The following RIMS2 variants were observed in gnomAD, a reference collection of about 807,000 sequenced individuals.
The protein encoded by RIMS2 is regulating synaptic membrane exocytosis protein 2.
A neutral mutation model predicts 174.4 loss-of-function variants in RIMS2; 59 were observed. The observed-to-expected ratio is 0.34, with a 90% CI of 0.27 to 0.42. The LOEUF (loss-of-function observed/expected upper bound fraction) is 0.42. RIMS2 is among the 10% of genes least tolerant of loss of function. RIMS2 has a pLI of 1.00. For missense variants in RIMS2, 1,620 were observed against 1,666.3 expected, an observed-to-expected ratio of 0.97 and a Z score of 0.48; for synonymous variants, 606 against 572.5, an observed-to-expected ratio of 1.06 and a Z score of -0.84.
intron 1 of RIMS2, among the ~76,000 whole-genome samples, chr8:103,674,848 AT>A (rs1263973348): frequency 6.7e-6 from 1 of 149,888 alleles, no homozygotes; most frequent in Middle Eastern, 3.3e-3. Flanking sequence ...TATGTTTAGC[AT>A]TTTTATGCAA....
rs755476865 is a variant in RIMS2, at chr8:103,766,219, A to G, written c.388-8A>G. Reference sequence around the variant, plus strand: ...ACTAATTTTTTCCCCCTATGTCTTCATGTGCAGGTTATGTGGGTATGTAAT... The same window carrying G: ...ACTAATTTTTTCCCCCTATGTCTTCGTGTGCAGGTTATGTGGGTATGTAAT... On this transcript the variant is annotated splice_polypyrimidine_tract_variant and splice_region_variant and intron_variant, in intron 2 of 23. Transcript: ENST00000504942. The G allele has an allele frequency of 6.3e-7, 1 of 1,590,898 alleles. No homozygotes were observed. The highest frequency in any genetic ancestry group is 8.6e-7 in the Non-Finnish European group (1 of 1,166,246).
chr8:104,143,395 G>GT (rs1177577446), intron 19 of RIMS2, among the ~76,000 whole-genome samples: 3 of 151,776 alleles, frequency 2.0e-5, no homozygotes, highest in Admixed American at 6.6e-5. Context: ...TTTTGTTGCT[G>GT]TTTTTTTTCC....
intron 1 of RIMS2, among the ~76,000 whole-genome samples, chr8:103,634,395 G>T (rs2135334733): frequency 6.6e-6 from 1 of 152,236 alleles, no homozygotes; most frequent in East Asian, 1.9e-4. Flanking sequence ...TGTTTGGTGT[G>T]ATTTCAGTTC....
At chr8:103,634,374 A>T (rs2135334114) in intron 1 of RIMS2, among the ~76,000 whole-genome samples, 1 of 152,210 alleles carries the variant, frequency 6.6e-6, no homozygotes, top group East Asian at 1.9e-4. Context: ...TTGTTCTATG[A>T]CCTGACAGTG....
At chr8:104,074,688 GA>G (rs886824031) in intron 19 of RIMS2, among the ~76,000 whole-genome samples, 21 of 152,032 alleles carry the variant, frequency 1.4e-4, no homozygotes, top group African/African-American at 1.9e-4. Flanking sequence ...GGGATATGAA[GA>G]TTTTTTTTAA....
intron 19 of RIMS2, among the ~76,000 whole-genome samples, chr8:104,052,999 G>A (rs926553582): frequency 6.6e-6 from 1 of 152,170 alleles, no homozygotes; most frequent in Admixed American, 6.5e-5. Flanking sequence ...AAATGTCAAG[G>A]ACAGTGTAAT....
At chr8:103,638,467 A>ATTAT (rs901500440) in intron 1 of RIMS2, among the ~76,000 whole-genome samples, 3 of 151,928 alleles carry the variant, frequency 2.0e-5, no homozygotes, top group African/African-American at 7.2e-5. Flanking sequence ...GTCTTCTCTA[A>ATTAT]TTATTTATTT....
chr8:103,566,428 C>T (rs35908590), intron 1 of RIMS2, among the ~76,000 whole-genome samples: 1 of 152,222 alleles, frequency 6.6e-6, no homozygotes, highest in African/African-American at 2.4e-5. Context: ...TTCAACACTG[C>T]TCTGATACCC....
intron 1 of RIMS2, among the ~76,000 whole-genome samples, chr8:103,625,007 A>G (rs1204402204): frequency 1.3e-5 from 2 of 152,180 alleles, no homozygotes; most frequent in Non-Finnish European, 2.9e-5. Flanking sequence ...TTTAAATAGA[A>G]TCAGTTTATA....
At chr8:103,927,436 T>A (rs1406532516) in intron 10 of RIMS2, among the ~76,000 whole-genome samples, 1 of 151,518 alleles carries the variant, frequency 6.6e-6, no homozygotes, top group Non-Finnish European at 1.5e-5. Context: ...TGTAATACAT[T>A]TTCAACTAAC....
At chr8:104,033,389 A>C (rs973361281) in intron 19 of RIMS2, among the ~76,000 whole-genome samples, 2 of 152,014 alleles carry the variant, frequency 1.3e-5, no homozygotes, top group African/African-American at 4.8e-5. Context: ...ATCATAAGCT[A>C]TTATTTATTT....
At chr8:103,581,926 T>A (rs1563873053) in intron 1 of RIMS2, among the ~76,000 whole-genome samples, 1 of 152,168 alleles carries the variant, frequency 6.6e-6, no homozygotes, top group Non-Finnish European at 1.5e-5. Context: ...GGAGGTGGCA[T>A]GCAACATACT....
intron 3 of RIMS2, chr8:103,819,339 A>G: frequency 6.8e-7 from 1 of 1,478,532 alleles, no homozygotes; most frequent in Non-Finnish European, 8.9e-7. Context: ...AAGAATAATG[A>G]CTGTACAATT....
At chr8:103,991,747 T>A (rs1232412170) in intron 17 of RIMS2, among the ~76,000 whole-genome samples, 1 of 152,184 alleles carries the variant, frequency 6.6e-6, no homozygotes, top group Non-Finnish European at 1.5e-5. Context: ...TTTTATTGAA[T>A]CTTTTTTATA....
chr8:104,058,884 T>A (rs147672305), intron 19 of RIMS2, among the ~76,000 whole-genome samples: 2,458 of 152,318 alleles, frequency 0.016, 31 homozygotes, highest in Middle Eastern at 0.044. Context: ...TTTGTAGATA[T>A]GCGGCGTTAT....
At chr8:104,113,234 T>A (rs1429669939) in intron 19 of RIMS2, among the ~76,000 whole-genome samples, 2 of 152,104 alleles carry the variant, frequency 1.3e-5, no homozygotes, top group African/African-American at 4.8e-5. Flanking sequence ...AACATAAATT[T>A]TCTGGCCTTG....
chr8:103,727,847 A>G (rs1397035461), intron 2 of RIMS2, among the ~76,000 whole-genome samples: 1 of 152,160 alleles, frequency 6.6e-6, no homozygotes, highest in Non-Finnish European at 1.5e-5. Context: ...ATAGCTTGGT[A>G]GTATAATTTG....
At chr8:104,168,435 G>A (rs980916616) in intron 19 of RIMS2, among the ~76,000 whole-genome samples, 2 of 152,056 alleles carry the variant, frequency 1.3e-5, no homozygotes, top group Admixed American at 1.3e-4. Flanking sequence ...TCTTGTAAAA[G>A]GGATTGGGTT....
chr8:103,918,999 C>T (rs180796137), intron 9 of RIMS2, among the ~76,000 whole-genome samples: 11 of 152,178 alleles, frequency 7.2e-5, no homozygotes, highest in Admixed American at 2.6e-4. Flanking sequence ...TCTGATTTAA[C>T]GTCAGAGCAG....
Sources: gnomAD v4.1 joint callset for allele counts (sites outside exome capture counted in the v4.1 genomes callset) on GRCh38, gnomAD v4.1.1 for gene constraint, MANE v1.5 for transcripts, NCBI Gene and HGNC (gene_info 2026-07-23, HGNC 2026-07-21) for gene names.